Variants in REDIC1 observed in about 807,000 individuals in gnomAD.
REDIC1 encodes regulator of DNA class I crossover intermediates 1.
the REDIC1 span, among the ~76,000 whole-genome samples, chr12:39,683,723 T>G: frequency 6.6e-6 from 1 of 151,750 alleles, no homozygotes; most frequent in Non-Finnish European, 1.5e-5. Context: ...GTTGATTAGA[T>G]TTGAGGAAAT....
At chr12:39,817,623 AAGTT>A in the REDIC1 span, among the ~76,000 whole-genome samples, 1 of 152,186 alleles carries the variant, frequency 6.6e-6, no homozygotes, top group Non-Finnish European at 1.5e-5. Context: ...ATTCACGAAA[AAGTT>A]AGCTGTACAC....
chr12:39,701,749 A>G, the REDIC1 span, among the ~76,000 whole-genome samples: 1 of 152,226 alleles, frequency 6.6e-6, no homozygotes, highest in Non-Finnish European at 1.5e-5. Flanking sequence ...CTCTCAGACC[A>G]CAGTGCAATC....
the REDIC1 span, among the ~76,000 whole-genome samples, chr12:39,710,027 T>C: frequency 1.3e-5 from 2 of 151,722 alleles, no homozygotes; most frequent in Non-Finnish European, 2.9e-5. Flanking sequence ...CTAAGAAGTG[T>C]GAGGTGATAT....
chr12:39,659,710 G>T, the REDIC1 span, among the ~76,000 whole-genome samples: 1 of 151,814 alleles, frequency 6.6e-6, no homozygotes, highest in Non-Finnish European at 1.5e-5. Flanking sequence ...ACTTGTCTAC[G>T]AATTCCATTA....
At chr12:39,882,431 A>G in the REDIC1 span, among the ~76,000 whole-genome samples, 1 of 152,228 alleles carries the variant, frequency 6.6e-6, no homozygotes, top group Admixed American at 6.5e-5. Context: ...CTTATGTCAT[A>G]AATTCCAACT....
chr12:39,813,615 G>C, the REDIC1 span, among the ~76,000 whole-genome samples: 1 of 152,024 alleles, frequency 6.6e-6, no homozygotes, highest in African/African-American at 2.4e-5. Flanking sequence ...CACTTTCCTG[G>C]TTGTCTTTAA....
the REDIC1 span, among the ~76,000 whole-genome samples, chr12:39,870,976 G>A: frequency 1.3e-5 from 2 of 151,994 alleles, no homozygotes; most frequent in African/African-American, 2.4e-5. Context: ...ATGCTGCCCT[G>A]GAAACTATCT....
chr12:39,785,371 G>A, the REDIC1 span, among the ~76,000 whole-genome samples: 1 of 152,224 alleles, frequency 6.6e-6, no homozygotes, highest in South Asian at 2.1e-4. Context: ...CTTCCATGTG[G>A]CGTTGAGCCT....
the REDIC1 span, among the ~76,000 whole-genome samples, chr12:39,768,006 A>T: frequency 6.6e-6 from 1 of 152,106 alleles, no homozygotes; most frequent in Non-Finnish European, 1.5e-5. Context: ...TAGCAGTGTG[A>T]GACCAGACTA....
At chr12:39,733,369 T>C in the REDIC1 span, among the ~76,000 whole-genome samples, 1 of 152,114 alleles carries the variant, frequency 6.6e-6, no homozygotes, top group Non-Finnish European at 1.5e-5. Flanking sequence ...TACGATATTC[T>C]GTTCCTTTGC....
the REDIC1 span, among the ~76,000 whole-genome samples, chr12:39,846,876 G>A: frequency 6.6e-6 from 1 of 152,140 alleles, no homozygotes; most frequent in Non-Finnish European, 1.5e-5. Flanking sequence ...TCCACACAAT[G>A]TTAACTATAT....
the REDIC1 span, among the ~76,000 whole-genome samples, chr12:39,707,184 T>C: frequency 1.3e-5 from 2 of 151,752 alleles, no homozygotes; most frequent in Non-Finnish European, 2.9e-5. Flanking sequence ...ATAATCTCAA[T>C]AAGAAATAGG....
At chr12:39,816,081 T>C in the REDIC1 span, among the ~76,000 whole-genome samples, 51 of 152,188 alleles carry the variant, frequency 3.4e-4, 1 homozygote, top group Admixed American at 3.3e-3. Context: ...ACATAATATG[T>C]TCTGGGCTGA....
chr12:39,845,843 A>G, the REDIC1 span, among the ~76,000 whole-genome samples: 1 of 152,164 alleles, frequency 6.6e-6, no homozygotes, highest in Non-Finnish European at 1.5e-5. Flanking sequence ...TACCAATGTT[A>G]GCACACAGTG....
chr12:39,734,330 G>A, the REDIC1 span, among the ~76,000 whole-genome samples: 3 of 152,188 alleles, frequency 2.0e-5, no homozygotes, highest in Admixed American at 1.3e-4. Context: ...ACTGGGAGTT[G>A]CAGTCCGGAG....
the REDIC1 span, among the ~76,000 whole-genome samples, chr12:39,838,387 T>C: frequency 6.9e-6 from 1 of 144,906 alleles, no homozygotes; most frequent in Non-Finnish European, 1.5e-5. Flanking sequence ...ATATACCTAA[T>C]GCTAGATGAC....
the REDIC1 span, among the ~76,000 whole-genome samples, chr12:39,724,421 G>A: frequency 6.6e-6 from 1 of 152,086 alleles, no homozygotes; most frequent in Admixed American, 6.6e-5. Flanking sequence ...GAGTTCCTCA[G>A]AAGGATTAAC....
chr12:39,872,630 A>T, the REDIC1 span, among the ~76,000 whole-genome samples: 1 of 152,230 alleles, frequency 6.6e-6, no homozygotes, highest in Non-Finnish European at 1.5e-5. Flanking sequence ...CTTTTAAAAG[A>T]CCATAATGCC....
At chr12:39,729,625 T>C in the REDIC1 span, among the ~76,000 whole-genome samples, 1 of 152,206 alleles carries the variant, frequency 6.6e-6, no homozygotes, top group Non-Finnish European at 1.5e-5. Context: ...CTGAGAAGAA[T>C]GTATATTCTG....
Sources: allele counts gnomAD v4.1 joint callset (sites outside exome capture counted in the v4.1 genomes callset), GRCh38; gene constraint gnomAD v4.1.1; transcripts MANE v1.5; gene names NCBI Gene and HGNC (gene_info 2026-07-23, HGNC 2026-07-21).